Variants in SHANK2 observed in about 807,000 individuals in gnomAD.
SHANK2 encodes the protein SH3 and multiple ankyrin repeat domains 2.
SHANK2 carries 43 observed loss-of-function variants against 133.7 expected under a neutral mutation model. The observed-to-expected ratio is 0.32, with a 90% confidence interval of 0.25 to 0.41. The LOEUF (loss-of-function observed/expected upper bound fraction) is 0.41. Among genes scored for constraint, SHANK2 ranks in the 10% least tolerant of loss-of-function variants. The pLI, the probability that SHANK2 is intolerant of heterozygous loss-of-function variation, is 1.00. For missense variants in SHANK2, 1,994 were observed against 2,235.8 expected (o/e 0.89, Z 2.18); for synonymous variants, 1,017 against 952.8 (o/e 1.07, Z -1.24).
chr11:71,127,091 A>C (rs1408492803), intron 3 of SHANK2, among the ~76,000 whole-genome samples: 3 of 152,254 alleles, frequency 2.0e-5, no homozygotes, highest in Admixed American at 6.5e-5. Context: ...GATGACTTTG[A>C]GGGATTCAAG....
chr11:71,214,232 T>C (rs1954352401), intron 2 of SHANK2, among the ~76,000 whole-genome samples: 2 of 152,162 alleles, frequency 1.3e-5, no homozygotes, highest in South Asian at 2.1e-4. Flanking sequence ...TAAAACCTTC[T>C]TTTGGGAAAT....
At chr11:70,584,254 G>A (rs1432719604) in intron 17 of SHANK2, among the ~76,000 whole-genome samples, 24 of 152,264 alleles carry the variant, frequency 1.6e-4, no homozygotes, top group African/African-American at 5.1e-4. Context: ...GCATCCTGGC[G>A]CTCGAATCAC....
chr11:70,567,559 G>A (rs1458511017), intron 17 of SHANK2, among the ~76,000 whole-genome samples: 1 of 152,022 alleles, frequency 6.6e-6, no homozygotes, highest in African/African-American at 2.4e-5. Context: ...CCCAGGAAGT[G>A]GAGGTTGCAG....
chr11:71,085,587 T>A (rs1179385202), intron 8 of SHANK2, among the ~76,000 whole-genome samples: 25 of 30,588 alleles, frequency 8.2e-4, no homozygotes, highest in African/African-American at 1.7e-3. Flanking sequence ...ATATAATATA[T>A]TATATAATAT....
chr11:70,812,845 T>C (rs1555053475), intron 12 of SHANK2, among the ~76,000 whole-genome samples: 2 of 152,168 alleles, frequency 1.3e-5, no homozygotes, highest in Non-Finnish European at 2.9e-5. Context: ...GGAGGGATTC[T>C]AACCAACTTG....
Position 70,569,967 on chromosome 11 carries a change from A to G in SHANK2, c.2062-67036T>C, listed in dbSNP as rs1228492491. ...AGAGAGAGAGAGAAGGGAGTGAGAGACAGAGACAGGCCCCCAGCACCATTG... is the reference window on the plus strand; with the variant it reads ...AGAGAGAGAGAGAAGGGAGTGAGAGGCAGAGACAGGCCCCCAGCACCATTG... On this transcript the variant is annotated intron_variant, in intron 17 of 25. Coordinates refer to ENST00000601538, the MANE Select transcript of SHANK2 (RefSeq NM_012309.5). This position sits in a 1 kb window ranked among gnomAD's most constrained non-coding sequence, Gnocchi z 5.1. Among the ~76,000 whole-genome samples the G allele has an allele frequency of 6.6e-6, 1 of 151,890 alleles. No individual in the cohort carries two copies. Among genetic ancestry groups the G allele is most frequent in the Non-Finnish European group, 1.5e-5 (1 of 67,970 alleles).
rs75658224 is a variant in SHANK2 at position 70,714,256 on chromosome 11, G to C, written c.1778-15493C>G. On this transcript the variant is annotated intron_variant, in intron 14 of 25. Coordinates refer to ENST00000601538, the MANE Select transcript of SHANK2 (RefSeq NM_012309.5). Reference sequence around the variant, plus strand: ...GCTGAGGACACGGAGGAGAAGGAGAGAAAGAGCCACATGCCCAGATCACCG... The same window carrying C: ...GCTGAGGACACGGAGGAGAAGGAGACAAAGAGCCACATGCCCAGATCACCG... 3.0e-3 allele frequency among the ~76,000 whole-genome samples: 455 copies of C among 152,354 alleles called. 2 individuals are homozygous for C. Among genetic ancestry groups the C allele is most frequent in the African/African-American group, 0.011 (447 of 41,580 alleles).
intron 2 of SHANK2, among the ~76,000 whole-genome samples, chr11:71,191,671 T>C (rs1221989559): frequency 1.3e-5 from 2 of 152,092 alleles, no homozygotes; most frequent in Non-Finnish European, 2.9e-5. Flanking sequence ...GGGATTCTCC[T>C]GCCTTAGCCT....
At chr11:70,504,606 T>G (rs2059110356) in intron 17 of SHANK2, among the ~76,000 whole-genome samples, 1 of 152,196 alleles carries the variant, frequency 6.6e-6, no homozygotes, top group South Asian at 2.1e-4. Flanking sequence ...TGCACTGCCC[T>G]GAAGATAGAG....
At chr11:70,835,416 G>A (rs569329558) in intron 11 of SHANK2, among the ~76,000 whole-genome samples, 19 of 152,208 alleles carry the variant, frequency 1.2e-4, no homozygotes, top group Non-Finnish European at 2.6e-4. Context: ...GCCAGTTCTC[G>A]AGGACACAGG....
At chr11:71,123,361 T>C (rs1478146606) in intron 3 of SHANK2, among the ~76,000 whole-genome samples, 5 of 152,072 alleles carry the variant, frequency 3.3e-5, no homozygotes, top group African/African-American at 4.8e-5. Context: ...AAGGTAAAAA[T>C]CCATGCTAAC....
intron 11 of SHANK2, among the ~76,000 whole-genome samples, chr11:70,838,712 C>T (rs998529945): frequency 1.3e-5 from 2 of 152,132 alleles, no homozygotes; most frequent in African/African-American, 2.4e-5. Flanking sequence ...TACTGTTTTC[C>T]ACTGAGTCCC....
intron 5 of SHANK2, among the ~76,000 whole-genome samples, chr11:71,111,711 G>A (rs782432698): frequency 4.6e-5 from 7 of 152,162 alleles, no homozygotes; most frequent in Non-Finnish European, 7.3e-5. Context: ...TGTATGTTTC[G>A]GAACTAGAAC....
intron 20 of SHANK2, among the ~76,000 whole-genome samples, 154 bp downstream of exon 20, chr11:70,501,769 C>T (rs2059056992): frequency 6.6e-6 from 1 of 152,238 alleles, no homozygotes; most frequent in Admixed American, 6.5e-5. Context: ...CCCACGCTAT[C>T]TACACACAGA....
At chr11:70,526,467 T>C (rs1268237143) in intron 17 of SHANK2, among the ~76,000 whole-genome samples, 1 of 152,188 alleles carries the variant, frequency 6.6e-6, no homozygotes, top group African/African-American at 2.4e-5. Flanking sequence ...TGCCTTTCAA[T>C]GTTAAGTCTC....
At chr11:71,238,545 GA>G (rs1441290444) in intron 1 of SHANK2, among the ~76,000 whole-genome samples, 2 of 152,176 alleles carry the variant, frequency 1.3e-5, no homozygotes, top group Non-Finnish European at 2.9e-5. Flanking sequence ...CTGAAGCAAG[GA>G]AAATGAACCC....
intron 9 of SHANK2, among the ~76,000 whole-genome samples, chr11:71,065,212 G>C (rs921974573): frequency 6.6e-6 from 1 of 151,378 alleles, no homozygotes; most frequent in Non-Finnish European, 1.5e-5. Context: ...GAACTCTCCC[G>C]GGGAGATAAG....
At chr11:71,200,499 A>T (rs1555116915) in intron 2 of SHANK2, among the ~76,000 whole-genome samples, 1 of 152,158 alleles carries the variant, frequency 6.6e-6, no homozygotes, top group Non-Finnish European at 1.5e-5. Context: ...CTGCTGGCTC[A>T]TGTGCTAACT....
intron 17 of SHANK2, among the ~76,000 whole-genome samples, chr11:70,655,187 C>G (rs2061391653): frequency 6.6e-6 from 1 of 152,222 alleles, no homozygotes; most frequent in Non-Finnish European, 1.5e-5. Context: ...AGGCTTTCCC[C>G]CAGCAACACA....
Sources: gnomAD v4.1 joint callset for allele counts (sites outside exome capture counted in the v4.1 genomes callset) on GRCh38, gnomAD v4.1.1 for gene constraint, Gnocchi (gnomAD v3.1) non-coding constraint, MANE v1.5 for transcripts, NCBI Gene and HGNC (gene_info 2026-07-23, HGNC 2026-07-21) for gene names.